HPSE: variants seen among roughly 807,000 people sequenced by gnomAD.
The protein encoded by HPSE is endo-glucoronidase.
HPSE carries 48 observed loss-of-function variants against 65.1 expected under a neutral mutation model. The ratio of observed to expected loss-of-function variants is 0.74; its 90% CI spans 0.58 to 0.94. HPSE has a LOEUF of 0.94. Among genes scored for constraint, HPSE ranks in the 40% least tolerant of loss-of-function variants. HPSE has a pLI of 0.00. For synonymous variants in HPSE, 243 were observed against 260.0 expected (o/e 0.93, Z 0.63); for missense variants, 644 against 637.5 (o/e 1.01, Z -0.11).
intron 1 of HPSE, among the ~76,000 whole-genome samples, chr4:83,327,538 A>G (rs778910086): frequency 6.6e-5 from 10 of 152,256 alleles, no homozygotes; most frequent in Non-Finnish European, 1.0e-4. Context: ...TGACATGGAA[A>G]TAACAGATGA....
In HPSE at chr4:83,302,228, G is replaced by C. The variant is rs1013756351; in HGVS notation, c.1247C>G (p.Thr416Ser). 4 of 1,613,654 alleles carry C rather than the reference G, an allele frequency of 2.5e-6. No homozygotes were observed. In the East Asian group the frequency reaches 8.9e-5, roughly 36 times the overall value. The change falls in exon 10 of 12, where the codon ACC (threonine) becomes AGC (serine). Residue 416 changes from threonine (T) to serine (S), a missense_variant. Transcript: ENST00000311412. ...TTGCACGCTTGCCATTAACACCTTG[G>C]TGCCCACCAATTTCTTGAACAGAAG... The part of the protein sequence containing the change: ...LSLLFKKLVG[T>S]KVLMASVQGS...
intron 3 of HPSE, among the ~76,000 whole-genome samples, chr4:83,314,216 C>A (rs1424963658): frequency 1.3e-5 from 2 of 148,904 alleles, no homozygotes; most frequent in Admixed American, 6.7e-5. Flanking sequence ...CATGATCATG[C>A]CATTGCACAG....
At chr4:83,320,530 C>T (rs1263588989) in intron 2 of HPSE, among the ~76,000 whole-genome samples, 3 of 151,306 alleles carry the variant, frequency 2.0e-5, no homozygotes, top group African/African-American at 7.3e-5. Flanking sequence ...CCCGCCATTG[C>T]ACTCCAGCCT....
intron 3 of HPSE, among the ~76,000 whole-genome samples, chr4:83,316,290 G>T (rs1210841641): frequency 1.3e-5 from 2 of 150,750 alleles, no homozygotes; most frequent in Non-Finnish European, 2.9e-5. Flanking sequence ...GCCTCTCAAA[G>T]TGCTGGGATT....
chr4:83,308,937 G>C lies in HPSE; in HGVS notation c.999C>G (p.Thr333=), dbSNP rs1276400773. 1.9e-6 allele frequency: 3 copies of C among 1,613,930 alleles called. No individual in the cohort carries two copies. The highest frequency in any genetic ancestry group is 1.1e-5 in the South Asian group (1 of 91,082). The change falls in exon 8 of 12, where the codon ACC becomes ACG. Residue 333 remains threonine (T), a synonymous_variant. Transcript: ENST00000311412. ...CTAACCAGACCTTCTTGCCAGGCCT[G>C]GTGCTCTCAACCACCTATAGAACAG... ...VQKVFQVVES[T]RPGKKVWLGE...
At chr4:83,312,729 G>C (rs1736448461) in intron 4 of HPSE, among the ~76,000 whole-genome samples, 1 of 142,454 alleles carries the variant, frequency 7.0e-6, no homozygotes, top group Admixed American at 7.2e-5. Flanking sequence ...CGGGCCTGGT[G>C]GCTCACGCCT....
intron 9 of HPSE, 138 bp from the exon 10 acceptor site, chr4:83,302,406 C>CTT (rs779578507): frequency 6.2e-4 from 309 of 500,616 alleles, no homozygotes; most frequent in South Asian, 1.0e-3. Flanking sequence ...TAGGATTCAT[C>CTT]TTTTTTTTTT....
chr4:83,296,763 T>C (rs1229298625), intron 11 of HPSE, among the ~76,000 whole-genome samples: 3 of 152,122 alleles, frequency 2.0e-5, no homozygotes, highest in East Asian at 1.9e-4. Flanking sequence ...ATGTAAAGTA[T>C]GTAGAACACT....
intron 4 of HPSE, among the ~76,000 whole-genome samples, chr4:83,312,459 T>G (rs1334554243): frequency 1.4e-5 from 2 of 143,378 alleles, no homozygotes; most frequent in Non-Finnish European, 3.1e-5. Flanking sequence ...GGGCAGATCA[T>G]GGGGTCAGGA....
chr4:83,334,756 C>A lies in HPSE; in HGVS notation c.27G>T (p.Leu9=), dbSNP rs1355196182. MLLRSKPA[L]PPPLMLLLLG... Reference sequence around the variant, plus strand: ...GGAGCAGCAGCATCAGCGGCGGCGGCAGCGCAGGCTTCGAGCGCAGCAGCA... The same window carrying A: ...GGAGCAGCAGCATCAGCGGCGGCGGAAGCGCAGGCTTCGAGCGCAGCAGCA... The change falls in exon 1 of 12, where the codon CTG becomes CTT. Residue 9 remains leucine (L), a synonymous_variant. Transcript: ENST00000311412. The A allele has an allele frequency of 6.4e-7, 1 of 1,552,196 alleles. No individual in the cohort carries two copies. The highest frequency in any genetic ancestry group is 1.9e-5 in the Admixed American group (1 of 51,390).
At chr4:83,300,890 C>G in intron 11 of HPSE, 70 bp downstream of exon 11, 1 of 1,004,640 alleles carries the variant, frequency 1.0e-6, no homozygotes, top group Non-Finnish European at 1.4e-6. Context: ...GCTCCCTGTC[C>G]AAACTCTCTA....
rs575784420 is a variant in HPSE at position 83,316,344 on chromosome 4, A to C, written c.499+3000T>G. ...GTCTGGCCACATCTACTTTAAAAAA[A>C]AAAAACAAAAAAAACAGAAGGACCA... On this transcript the variant is annotated intron_variant, in intron 3 of 11. Coordinates refer to ENST00000311412, the MANE Select transcript of HPSE (RefSeq NM_001098540.3). 1.2e-4 allele frequency among the ~76,000 whole-genome samples: 9 copies of C among 73,408 alleles called. No individual in the cohort carries two copies. The East Asian group carries it at 3.7e-3, about 30-fold the overall frequency. The allele number at this position is 73,408 out of a possible 152,430, so 48.2% of individuals were successfully genotyped here.
chr4:83,303,082 C>T (rs1736013294), intron 9 of HPSE, among the ~76,000 whole-genome samples: 1 of 152,026 alleles, frequency 6.6e-6, no homozygotes, highest in Admixed American at 6.5e-5. Flanking sequence ...CTGTCAAGAT[C>T]AAAACCAGAC....
intron 3 of HPSE, among the ~76,000 whole-genome samples, chr4:83,317,135 G>A (rs1736684855): frequency 6.6e-6 from 1 of 152,160 alleles, no homozygotes; most frequent in Non-Finnish European, 1.5e-5. Flanking sequence ...CTGACCTCAG[G>A]TAATCCACCC....
intron 9 of HPSE, among the ~76,000 whole-genome samples, chr4:83,305,410 C>G (rs1736113485): frequency 6.6e-6 from 1 of 152,132 alleles, no homozygotes; most frequent in Non-Finnish European, 1.5e-5. Flanking sequence ...AGATAAAAAG[C>G]AATTTTGTTG....
chr4:83,304,009 G>A lies in HPSE; in HGVS notation c.1207-1741C>T, dbSNP rs1250942664. Among the ~76,000 whole-genome samples, 4 of 17,588 alleles carry A rather than the reference G, an allele frequency of 2.3e-4. No homozygotes were observed. The Admixed American group carries it at 4.8e-3, about 21-fold the overall frequency. 11.5% of individuals were successfully genotyped at this position (17,588 alleles called of 152,430 possible). A position where few individuals can be genotyped will look rare whatever the true frequency, so the allele number is the denominator to read the frequency against. The stretch of plus-strand genomic sequence containing the variant: ...TGGGATGGACCTCTGTAACAAGACA[G>A]AAAACAGGAGAAAACAAACAGAAGC... On this transcript the variant is annotated intron_variant, in intron 9 of 11. Transcript: ENST00000311412.
At position 83,319,707 on chromosome 4, in the gene HPSE, AACATGGATATGTTGG is replaced by A. The variant is rs375625526; in HGVS notation, c.374-253_374-239del. On this transcript the variant is annotated intron_variant, in intron 2 of 11. Transcript: ENST00000311412. ...CCTAAGAAATATTGAACATACACTGAACATGGATATGTTGGACATAGCTACAAGTTATTTAACAAT... is the reference window on the plus strand; with the variant it reads ...CCTAAGAAATATTGAACATACACTGAACATAGCTACAAGTTATTTAACAAT... Among the ~76,000 whole-genome samples the A allele has an allele frequency of 6.0e-4, 92 of 152,312 alleles. 1 individual carries two copies. The highest frequency in any genetic ancestry group is 2.2e-3 in the African/African-American group (90 of 41,558).
chr4:83,333,106 G>C (rs12509763), intron 1 of HPSE, among the ~76,000 whole-genome samples: 16,240 of 152,236 alleles, frequency 0.11, 983 homozygotes, highest in African/African-American at 0.16. Context: ...TGTAGTGCCA[G>C]AAGGAAAAGG....
chr4:83,329,096 A>G (rs1366620481), intron 1 of HPSE, among the ~76,000 whole-genome samples: 1 of 152,132 alleles, frequency 6.6e-6, no homozygotes. Flanking sequence ...AGAGAAATGG[A>G]GAGTTAAGGG....
Sources: gnomAD v4.1 joint callset for allele counts (sites outside exome capture counted in the v4.1 genomes callset) on GRCh38, gnomAD v4.1.1 for gene constraint, MANE v1.5 for transcripts, NCBI Gene and HGNC (gene_info 2026-07-23, HGNC 2026-07-21) for gene names.